B3GALT1: variants seen among roughly 807,000 people sequenced by gnomAD.
The protein encoded by B3GALT1 is beta-1,3-galactosyltransferase 1.
A neutral mutation model predicts 23.2 loss-of-function variants in B3GALT1; 10 were observed. The ratio of observed to expected loss-of-function variants is 0.43; its 90% confidence interval spans 0.27 to 0.73. The LOEUF is 0.73. B3GALT1 is among the 30% of genes least tolerant of loss of function. The pLI, the probability that B3GALT1 is intolerant of heterozygous loss-of-function variation, is 0.21. For synonymous variants in B3GALT1, 156 were observed against 141.5 expected, an observed-to-expected ratio of 1.10 and a Z score of -0.73; for missense variants, 299 against 405.4, an observed-to-expected ratio of 0.74 and a Z score of 2.25.
intron 4 of B3GALT1, among the ~76,000 whole-genome samples, chr2:167,867,058 C>A (rs545891630): frequency 6.6e-6 from 1 of 151,804 alleles, no homozygotes; most frequent in Admixed American, 6.6e-5. Flanking sequence ...TCCCGAGTAG[C>A]TGGGACTACA....
chr2:167,575,838 T>C (rs1445095232), intron 2 of B3GALT1, among the ~76,000 whole-genome samples: 2 of 151,808 alleles, frequency 1.3e-5, no homozygotes, highest in Non-Finnish European at 3.0e-5. Flanking sequence ...TATTATAACC[T>C]GATTTTTATG....
chr2:167,329,931 T>C (rs1343130649), intron 1 of B3GALT1, among the ~76,000 whole-genome samples: 1 of 152,196 alleles, frequency 6.6e-6, no homozygotes, highest in African/African-American at 2.4e-5. Context: ...ATGATACTTT[T>C]GTCTTTCTGT....
intron 3 of B3GALT1, among the ~76,000 whole-genome samples, chr2:167,721,537 C>A (rs1317352703): frequency 6.6e-6 from 1 of 152,026 alleles, no homozygotes. Context: ...GGATGCACTG[C>A]CTATGGGAAC....
At chr2:167,447,418 A>C (rs762756468) in intron 1 of B3GALT1, among the ~76,000 whole-genome samples, 2 of 152,172 alleles carry the variant, frequency 1.3e-5, no homozygotes, top group Non-Finnish European at 2.9e-5. Flanking sequence ...AGTCTGCAGA[A>C]GTTTCTGCTA....
chr2:167,323,428 A>T (rs1696842558), intron 1 of B3GALT1, among the ~76,000 whole-genome samples: 1 of 68,732 alleles, frequency 1.5e-5, no homozygotes, highest in South Asian at 5.2e-4. Context: ...AAAATATTTA[A>T]TGCATTATTA....
intron 2 of B3GALT1, among the ~76,000 whole-genome samples, chr2:167,637,867 T>G (rs1685586784): frequency 6.6e-6 from 1 of 151,900 alleles, no homozygotes; most frequent in Non-Finnish European, 1.5e-5. Context: ...ACATCCACTA[T>G]TGACTCATTC....
At chr2:167,798,402 G>A (rs1332918975) in intron 3 of B3GALT1, among the ~76,000 whole-genome samples, 1 of 152,102 alleles carries the variant, frequency 6.6e-6, no homozygotes, top group Non-Finnish European at 1.5e-5. Context: ...TTCTTCTAGG[G>A]TTTTTATGGT....
rs376585257 is a variant in B3GALT1, at chr2:167,689,440, A to G, written c.-352+42474A>G. 2.3e-4 allele frequency among the ~76,000 whole-genome samples: 35 copies of G among 152,288 alleles called. No individual in the cohort carries two copies. In the Middle Eastern group the frequency reaches 0.014, roughly 59 times the overall value. Reference sequence around the variant, plus strand: ...AGGTTCTCCAAATAGAATGAAAAGAATAAAAGGAGGAATAGTGGAACATCC... The same window carrying G: ...AGGTTCTCCAAATAGAATGAAAAGAGTAAAAGGAGGAATAGTGGAACATCC... On this transcript the variant is annotated intron_variant, in intron 3 of 4. Coordinates refer to ENST00000392690, the MANE Select transcript of B3GALT1 (RefSeq NM_020981.4).
intron 2 of B3GALT1, among the ~76,000 whole-genome samples, chr2:167,562,209 A>G (rs931280258): frequency 8.9e-4 from 135 of 152,358 alleles, no homozygotes; most frequent in Admixed American, 1.5e-3. Flanking sequence ...CAAAAACCAC[A>G]TGATTATCTC....
chr2:167,770,963 T>A (rs770265611), intron 3 of B3GALT1, among the ~76,000 whole-genome samples: 10 of 152,226 alleles, frequency 6.6e-5, no homozygotes, highest in Non-Finnish European at 1.3e-4. Context: ...TAAACACTTA[T>A]TAAGAATTAA....
intron 3 of B3GALT1, among the ~76,000 whole-genome samples, chr2:167,784,457 G>T (rs1271151798): frequency 1.3e-5 from 2 of 152,136 alleles, no homozygotes; most frequent in African/African-American, 4.8e-5. Context: ...TTTTTCAAGA[G>T]TATACTGGCA....
chr2:167,338,281 G>T (rs1453490619), intron 1 of B3GALT1, among the ~76,000 whole-genome samples: 1 of 152,092 alleles, frequency 6.6e-6, no homozygotes, highest in Non-Finnish European at 1.5e-5. Flanking sequence ...TACAAAGCTT[G>T]GCAGATATTA....
At chr2:167,512,931 T>C (rs1275609010) in intron 2 of B3GALT1, among the ~76,000 whole-genome samples, 1 of 148,590 alleles carries the variant, frequency 6.7e-6, no homozygotes, top group Non-Finnish European at 1.5e-5. Flanking sequence ...AGCATGATGA[T>C]TCTACCCAGC....
chr2:167,324,474 CA>C (rs1322109140), intron 1 of B3GALT1, among the ~76,000 whole-genome samples: 1 of 151,968 alleles, frequency 6.6e-6, no homozygotes, highest in Non-Finnish European at 1.5e-5. Context: ...CACATGGCAA[CA>C]AAAAATGTGC....
intron 1 of B3GALT1, among the ~76,000 whole-genome samples, chr2:167,301,477 C>T (rs970912759): frequency 2.0e-5 from 3 of 152,150 alleles, no homozygotes; most frequent in African/African-American, 7.2e-5. Flanking sequence ...GTTTCATGAC[C>T]ATGCCTTAGT....
chr2:167,808,500 A>C (rs1688810042), intron 3 of B3GALT1, among the ~76,000 whole-genome samples: 1 of 151,750 alleles, frequency 6.6e-6, no homozygotes, highest in African/African-American at 2.4e-5. Flanking sequence ...ATCTCTCAGC[A>C]TTTGCTTGTC....
chr2:167,830,082 G>A (rs964820482), intron 4 of B3GALT1, among the ~76,000 whole-genome samples: 23 of 152,200 alleles, frequency 1.5e-4, no homozygotes, highest in African/African-American at 5.1e-4. Context: ...CATTTGTGTG[G>A]AAGTCCTGTT....
At chr2:167,842,000 G>A (rs376291435) in intron 4 of B3GALT1, among the ~76,000 whole-genome samples, 1 of 152,038 alleles carries the variant, frequency 6.6e-6, no homozygotes, top group African/African-American at 2.4e-5. Flanking sequence ...ATTAGAATGC[G>A]GTTTAGCATA....
At chr2:167,486,986 T>TAAAATATGTACTTTAAA (rs1265305238) in intron 1 of B3GALT1, among the ~76,000 whole-genome samples, 3 of 152,208 alleles carry the variant, frequency 2.0e-5, no homozygotes, top group Non-Finnish European at 4.4e-5. Flanking sequence ...ATATTTTTGT[T>TAAAATATGTACTTTAAA]AAAATATGTA....
Sources: gnomAD v4.1 joint callset for allele counts (sites outside exome capture counted in the v4.1 genomes callset) on GRCh38, gnomAD v4.1.1 for gene constraint, MANE v1.5 for transcripts, NCBI Gene and HGNC (gene_info 2026-07-23, HGNC 2026-07-21) for gene names.